Variants in PCDH15 observed in about 807,000 individuals in gnomAD.
PCDH15 encodes protocadherin related 15, also known as protocadherin-15.
PCDH15 carries 129 observed loss-of-function variants against 178.5 expected under a neutral mutation model. The ratio of observed to expected loss-of-function variants is 0.72; its 90% CI spans 0.63 to 0.84. PCDH15 has a LOEUF of 0.84. Among genes scored for constraint, PCDH15 ranks in the 40% least tolerant of loss-of-function variants. The pLI is 0.00. For missense variants in PCDH15, 2,230 were observed against 2,099.9 expected, an observed-to-expected ratio of 1.06 and a Z score of -1.21; for synonymous variants, 800 against 732.0, an observed-to-expected ratio of 1.09 and a Z score of -1.50.
At chr10:54,617,048 T>G (rs2093183267) in intron 2 of PCDH15, among the ~76,000 whole-genome samples, 1 of 141,076 alleles carries the variant, frequency 7.1e-6, no homozygotes, top group African/African-American at 2.5e-5. Flanking sequence ...TTATTTTTAT[T>G]TTTTAATTTT....
intron 2 of PCDH15, among the ~76,000 whole-genome samples, chr10:55,129,289 C>T (rs1180248564): frequency 6.6e-6 from 1 of 152,084 alleles, no homozygotes; most frequent in Admixed American, 6.6e-5. Flanking sequence ...TCCTAACAAA[C>T]ACGAGAGGTG....
chr10:53,977,388 C>G (rs1465747206), intron 21 of PCDH15, among the ~76,000 whole-genome samples: 4 of 152,236 alleles, frequency 2.6e-5, no homozygotes, highest in African/African-American at 9.6e-5. Flanking sequence ...TTGGGCTGCA[C>G]TGAAAGCTCT....
chr10:54,524,045 C>A (rs1002403317), intron 3 of PCDH15, among the ~76,000 whole-genome samples: 1 of 152,138 alleles, frequency 6.6e-6, no homozygotes, highest in Non-Finnish European at 1.5e-5. Context: ...AGTAATTGAA[C>A]TTTGGTGCTT....
intron 2 of PCDH15, among the ~76,000 whole-genome samples, chr10:55,448,130 A>G (rs1302316376): frequency 6.6e-6 from 1 of 152,080 alleles, no homozygotes; most frequent in Non-Finnish European, 1.5e-5. Flanking sequence ...ACAACAGTTT[A>G]AAATAATTAA....
Position 55,339,887 on chromosome 10 carries a change from A to T in PCDH15, c.-155-173236T>A, listed in dbSNP as rs369352133. Among the ~76,000 whole-genome samples, 14 of 151,996 alleles carry T rather than the reference A, an allele frequency of 9.2e-5. No homozygotes were observed. In the South Asian group the frequency reaches 2.3e-3, roughly 25 times the overall value. On this transcript the variant is annotated intron_variant, in intron 2 of 5. Transcript: ENST00000613346. ...TTTCTTTAGTCCACTTTGACTAAGGAGGGAGCTTGCTCCACCAATGAAATC... is the reference window on the plus strand; with the variant it reads ...TTTCTTTAGTCCACTTTGACTAAGGTGGGAGCTTGCTCCACCAATGAAATC...
At chr10:53,830,223 A>C (rs2076937847) in intron 30 of PCDH15, among the ~76,000 whole-genome samples, 1 of 151,872 alleles carries the variant, frequency 6.6e-6, no homozygotes, top group South Asian at 2.1e-4. Flanking sequence ...AACAGCTTGA[A>C]CCTTGGAGGC....
intron 15 of PCDH15, among the ~76,000 whole-genome samples, chr10:54,091,153 G>T (rs142242495): frequency 3.9e-5 from 6 of 152,142 alleles, no homozygotes; most frequent in African/African-American, 1.4e-4. Flanking sequence ...TGAGTCATTC[G>T]ATCCTCTTAT....
intron 2 of PCDH15, among the ~76,000 whole-genome samples, chr10:54,568,296 A>C (rs2089320742): frequency 6.6e-6 from 1 of 151,948 alleles, no homozygotes; most frequent in Non-Finnish European, 1.5e-5. Context: ...CATGCACTGC[A>C]TCACTTTCTC....
intron 2 of PCDH15, among the ~76,000 whole-genome samples, chr10:55,011,002 C>A (rs1342252432): frequency 6.6e-6 from 1 of 151,858 alleles, no homozygotes; most frequent in Non-Finnish European, 1.5e-5. Flanking sequence ...TCCCTTGAAT[C>A]AACAAAATAC....
intron 2 of PCDH15, among the ~76,000 whole-genome samples, chr10:55,127,923 A>C (rs1837944068): frequency 1.3e-5 from 2 of 152,168 alleles, no homozygotes; most frequent in Middle Eastern, 3.4e-3. Flanking sequence ...AAAATCTTTA[A>C]AGATAAACTT....
chr10:54,318,716 G>A (rs561774052), intron 7 of PCDH15, among the ~76,000 whole-genome samples: 2 of 152,164 alleles, frequency 1.3e-5, no homozygotes, highest in South Asian at 2.1e-4. Context: ...TCCCTTAATG[G>A]GTGTTTATCT....
intron 1 of PCDH15, among the ~76,000 whole-genome samples, chr10:54,744,915 T>C (rs2132867967): frequency 6.6e-6 from 1 of 152,262 alleles, no homozygotes; most frequent in South Asian, 2.1e-4. Context: ...CATTTTATCT[T>C]TGTTTACAGA....
intron 13 of PCDH15, among the ~76,000 whole-genome samples, chr10:54,163,981 A>T (rs991812398): frequency 6.6e-6 from 1 of 152,172 alleles, no homozygotes; most frequent in Non-Finnish European, 1.5e-5. Context: ...ATTTCTATGA[A>T]CTAGGAAACA....
rs150410601 is a variant in PCDH15 at position 53,924,465 on chromosome 10, C to T, written c.3373+14350G>A. ...AGCCCGCCATGCTGGAGTGTCCCCC[C>T]GCCGTGGGCTCCTGTGCAGCCTGAG... is the stretch of plus-strand genomic sequence containing the variant. On this transcript the variant is annotated intron_variant, in intron 25 of 37. Coordinates refer to ENST00000644397, the MANE Select transcript of PCDH15 (RefSeq NM_001384140.1). Among the ~76,000 whole-genome samples the T allele has an allele frequency of 2.0e-3, 304 of 152,302 alleles. No individual in the cohort carries two copies. The Middle Eastern group carries it at 0.02, about 10-fold the overall frequency.
chr10:55,175,119 C>T (rs1342984805), intron 1 of PCDH15, among the ~76,000 whole-genome samples: 1 of 151,986 alleles, frequency 6.6e-6, no homozygotes. Context: ...ATTGGAGGAC[C>T]CTAAATGGGA....
At chr10:55,408,612 A>G (rs1838261839) in intron 2 of PCDH15, among the ~76,000 whole-genome samples, 1 of 152,228 alleles carries the variant, frequency 6.6e-6, no homozygotes, top group South Asian at 2.1e-4. Context: ...ACATTAAAAT[A>G]TTGAAGTAAG....
intron 2 of PCDH15, among the ~76,000 whole-genome samples, chr10:54,607,349 G>T (rs1590455350): frequency 6.6e-6 from 1 of 151,966 alleles, no homozygotes; most frequent in East Asian, 1.9e-4. Context: ...TCTTGGTAGA[G>T]GATTCTGGGG....
Position 53,965,252 on chromosome 10 carries a change from G to C in PCDH15, c.2869-3360C>G, listed in dbSNP as rs1387440721. Reference sequence around the variant, plus strand: ...TTTTTCTATTTTTAGTAGAGATAGGGTTTCACTATGTTGGCCAGCCAGGTC... The same window carrying C: ...TTTTTCTATTTTTAGTAGAGATAGGCTTTCACTATGTTGGCCAGCCAGGTC... On this transcript the variant is annotated intron_variant, in intron 21 of 37. Coordinates refer to ENST00000644397, the MANE Select transcript of PCDH15 (RefSeq NM_001384140.1). Among the ~76,000 whole-genome samples, 4 of 151,914 alleles carry C rather than the reference G, an allele frequency of 2.6e-5. No homozygotes were observed. In the East Asian group the frequency reaches 5.8e-4, roughly 22 times the overall value.
chr10:53,884,477 C>A (rs1162140702), intron 26 of PCDH15, among the ~76,000 whole-genome samples: 1 of 152,140 alleles, frequency 6.6e-6, no homozygotes, highest in African/African-American at 2.4e-5. Flanking sequence ...AACTCCAAGC[C>A]CCCATGCAGA....
Sources: gnomAD v4.1 joint callset for allele counts (sites outside exome capture counted in the v4.1 genomes callset) on GRCh38, gnomAD v4.1.1 for gene constraint, MANE v1.5 for transcripts, NCBI Gene and HGNC (gene_info 2026-07-23, HGNC 2026-07-21) for gene names.